The following CRACR2A variants were observed in gnomAD, a reference collection of about 807,000 sequenced individuals.
CRACR2A encodes calcium release activated channel regulator 2A.
In CRACR2A, 79 loss-of-function variants were observed where a neutral mutation model predicts 90.5. That is an observed-to-expected ratio of 0.87 (90% CI 0.73 to 1.05). The LOEUF (loss-of-function observed/expected upper bound fraction) is 1.05. Among genes scored for constraint, CRACR2A ranks in the 50% least tolerant of loss-of-function variants. The probability of loss-of-function intolerance (pLI) is 0.00; values close to 1 mark genes in which losing one functional copy is unlikely to be tolerated. For synonymous variants in CRACR2A, 338 were observed against 356.7 expected (o/e 0.95, Z 0.59); for missense variants, 823 against 897.2 (o/e 0.92, Z 1.06).
intron 1 of CRACR2A, among the ~76,000 whole-genome samples, chr12:3,750,161 T>TG: frequency 6.6e-6 from 1 of 151,952 alleles, no homozygotes. Context: ...GTCTCGAACT[T>TG]CTGACCTCAG....
chr12:3,664,669 T>A (rs1280887445), intron 7 of CRACR2A, among the ~76,000 whole-genome samples: 1 of 152,198 alleles, frequency 6.6e-6, no homozygotes, highest in East Asian at 1.9e-4. Flanking sequence ...ATTAGTGACA[T>A]GTAGGCATAG....
chr12:3,641,115 G>A (rs1944560782), intron 13 of CRACR2A, among the ~76,000 whole-genome samples: 1 of 152,176 alleles, frequency 6.6e-6, no homozygotes, highest in Non-Finnish European at 1.5e-5. Context: ...GGAGGCCGAG[G>A]CGGGCAGATC....
At chr12:3,657,720 CTG>C (rs1666564146) in intron 8 of CRACR2A, among the ~76,000 whole-genome samples, 2 of 152,178 alleles carry the variant, frequency 1.3e-5, no homozygotes, top group Admixed American at 1.3e-4. Context: ...CTGCTGCTCT[CTG>C]TGAAAAATGC....
intron 1 of CRACR2A, chr12:3,752,665 T>G (rs1946727998): frequency 6.5e-6 from 1 of 153,014 alleles, no homozygotes; most frequent in Admixed American, 6.5e-5. Context: ...CTTGAGACCT[T>G]GGGCAAGTCA....
intron 15 of CRACR2A, among the ~76,000 whole-genome samples, chr12:3,632,418 A>G (rs1336774086): frequency 2.0e-5 from 3 of 152,216 alleles, no homozygotes; most frequent in Non-Finnish European, 2.9e-5. Context: ...AAGAGGCACC[A>G]CATCCTCTTG....
chr12:3,722,253 G>A (rs190383241), intron 2 of CRACR2A, among the ~76,000 whole-genome samples: 1 of 152,272 alleles, frequency 6.6e-6, no homozygotes, highest in East Asian at 1.9e-4. Context: ...AGTCATCAAG[G>A]GTTCCAGGAC....
intron 1 of CRACR2A, among the ~76,000 whole-genome samples, chr12:3,745,825 T>TAAAAGAAAGAAAG (rs149739964): frequency 1.0e-5 from 1 of 100,486 alleles, no homozygotes; most frequent in Non-Finnish European, 2.0e-5. Context: ...TAAAATAAAA[T>TAAAAGAAAGAAAG]AAAGAAAGAA....
intron 1 of CRACR2A, among the ~76,000 whole-genome samples, chr12:3,737,868 C>T (rs895494130): frequency 3.9e-5 from 6 of 152,192 alleles, no homozygotes; most frequent in African/African-American, 9.7e-5. Context: ...AGGACAAGTC[C>T]TACCAAGCCT....
At chr12:3,683,389 G>A (rs1000678884) in intron 4 of CRACR2A, among the ~76,000 whole-genome samples, 6 of 152,268 alleles carry the variant, frequency 3.9e-5, no homozygotes, top group African/African-American at 1.4e-4. Flanking sequence ...CCTGTGGCAC[G>A]CACAGCTTTT....
At chr12:3,722,475 T>A (rs544540543) in intron 2 of CRACR2A, among the ~76,000 whole-genome samples, 1 of 152,194 alleles carries the variant, frequency 6.6e-6, no homozygotes, top group East Asian at 1.9e-4. Context: ...ACTAGACCCA[T>A]GAGAGGCCGT....
chr12:3,625,843 C>T (rs1944247661), intron 17 of CRACR2A, among the ~76,000 whole-genome samples: 1 of 151,854 alleles, frequency 6.6e-6, no homozygotes, highest in African/African-American at 2.4e-5. Context: ...TAATCCCTAA[C>T]ATCCCTCCTG....
At chr12:3,713,763 G>A (rs1308970782) in intron 2 of CRACR2A, among the ~76,000 whole-genome samples, 1 of 152,180 alleles carries the variant, frequency 6.6e-6, no homozygotes, top group African/African-American at 2.4e-5. Context: ...CCTTCCCTGA[G>A]AAGGAAATGC....
chr12:3,670,396 T>C (rs1945218629), intron 7 of CRACR2A, among the ~76,000 whole-genome samples: 1 of 152,164 alleles, frequency 6.6e-6, no homozygotes, highest in African/African-American at 2.4e-5. Context: ...AAGAGATTCC[T>C]CCCACTTCCT....
chr12:3,645,383 G>A (rs899475852), intron 11 of CRACR2A, among the ~76,000 whole-genome samples: 2 of 152,232 alleles, frequency 1.3e-5, no homozygotes, highest in African/African-American at 4.8e-5. Flanking sequence ...CCCAAAGGGA[G>A]AGTAGTTAGG....
intron 18 of CRACR2A, among the ~76,000 whole-genome samples, chr12:3,618,170 C>CAAA (rs60389598): frequency 0.011 from 1,475 of 128,384 alleles, 26 homozygotes; most frequent in African/African-American, 0.037. Context: ...TTTTCACTAA[C>CAAA]AAAAAAAAAA....
At chr12:3,750,848 T>C (rs925482754) in intron 1 of CRACR2A, among the ~76,000 whole-genome samples, 1 of 152,168 alleles carries the variant, frequency 6.6e-6, no homozygotes, top group Admixed American at 6.5e-5. Flanking sequence ...CAAGGCAGAA[T>C]GGATGGCTAC....
intron 17 of CRACR2A, among the ~76,000 whole-genome samples, chr12:3,619,681 G>A (rs1867779111): frequency 1.3e-5 from 2 of 152,198 alleles, no homozygotes; most frequent in South Asian, 4.1e-4. Flanking sequence ...CCCAAGGTGT[G>A]CTGGATGAGG....
intron 17 of CRACR2A, among the ~76,000 whole-genome samples, chr12:3,624,090 T>C (rs1944209030): frequency 6.6e-6 from 1 of 152,178 alleles, no homozygotes; most frequent in Non-Finnish European, 1.5e-5. Flanking sequence ...TTCAGGGAAC[T>C]CCACTACCTC....
intron 13 of CRACR2A, among the ~76,000 whole-genome samples, chr12:3,639,104 C>G (rs1944513051): frequency 6.6e-6 from 1 of 152,200 alleles, no homozygotes; most frequent in Non-Finnish European, 1.5e-5. Context: ...CCCCCACCTC[C>G]AGACATAGCA....
Sources: gnomAD v4.1 joint callset for allele counts (sites outside exome capture counted in the v4.1 genomes callset) on GRCh38, gnomAD v4.1.1 for gene constraint, MANE v1.5 for transcripts, NCBI Gene and HGNC (gene_info 2026-07-23, HGNC 2026-07-21) for gene names.